The following IMMT variants were observed in gnomAD, a reference collection of about 807,000 sequenced individuals.
IMMT encodes inner membrane mitochondrial protein.
IMMT carries 40 observed loss-of-function variants against 92.7 expected under a neutral mutation model. The ratio of observed to expected loss-of-function variants is 0.43; its 90% confidence interval spans 0.34 to 0.56. The LOEUF is 0.56. Among genes scored for constraint, IMMT ranks in the 20% least tolerant of loss-of-function variants. The probability of loss-of-function intolerance (pLI) is 0.03; values close to 1 mark genes in which losing one functional copy is unlikely to be tolerated. For synonymous variants in IMMT, 322 were observed against 336.1 expected (o/e 0.96, Z 0.46); for missense variants, 831 against 912.1 (o/e 0.91, Z 1.14).
intron 1 of IMMT, among the ~76,000 whole-genome samples, chr2:86,182,812 C>T (rs556444231): frequency 6.6e-6 from 1 of 151,890 alleles, no homozygotes; most frequent in South Asian, 2.1e-4. Flanking sequence ...GACTGTGTCA[C>T]TCCACTCCAG....
intron 1 of IMMT, among the ~76,000 whole-genome samples, chr2:86,189,067 T>C (rs1672965718): frequency 6.6e-6 from 1 of 152,164 alleles, no homozygotes; most frequent in Admixed American, 6.6e-5. Context: ...AAATATTGGC[T>C]ACTTTTTTGT....
At chr2:86,167,255 T>C (rs1271852911) in intron 6 of IMMT, among the ~76,000 whole-genome samples, 2 of 137,874 alleles carry the variant, frequency 1.5e-5, no homozygotes, top group East Asian at 4.8e-4. Context: ...CACTGCAAGC[T>C]CCGCCTCCCG....
chr2:86,147,418 A>G lies in IMMT; in HGVS notation c.1533+284T>C, dbSNP rs540452288. The stretch of plus-strand genomic sequence containing the variant: ...AAATCTAAGCAGTACCATGCCATCT[A>G]TAGGAGGAAGATACACATGTCAAAT... On this transcript the variant is annotated intron_variant, in intron 13 of 14. Transcript: ENST00000410111. Among the ~76,000 whole-genome samples, 30 of 152,314 alleles carry G rather than the reference A, an allele frequency of 2.0e-4. No individual in the cohort carries two copies. In the South Asian group the frequency reaches 5.4e-3, roughly 27 times the overall value.
intron 4 of IMMT, among the ~76,000 whole-genome samples, chr2:86,171,847 CAT>C (rs1047018977): frequency 1.1e-4 from 13 of 118,044 alleles, no homozygotes; most frequent in Admixed American, 3.3e-4. Context: ...AGTTAAAATA[CAT>C]ATATATATAT....
chr2:86,189,857 C>T (rs1195537196), intron 1 of IMMT, among the ~76,000 whole-genome samples: 3 of 152,082 alleles, frequency 2.0e-5, no homozygotes, highest in Admixed American at 1.3e-4. Context: ...ACAAAAAAAT[C>T]CAGTAAGTTT....
chr2:86,165,383 T>A (rs939398087), intron 7 of IMMT, among the ~76,000 whole-genome samples: 5 of 152,238 alleles, frequency 3.3e-5, no homozygotes, highest in Admixed American at 1.3e-4. Flanking sequence ...AGTATTTTTC[T>A]TGGACTTTGA....
chr2:86,154,015 A>G (rs1172487103), intron 10 of IMMT, among the ~76,000 whole-genome samples: 1 of 151,946 alleles, frequency 6.6e-6, no homozygotes, highest in Admixed American at 6.6e-5. Flanking sequence ...GGTGTATGCC[A>G]CCATACCCGG....
At position 86,144,165 on chromosome 2, in the gene IMMT, G is replaced by T; in HGVS notation, c.*103C>A. On this transcript the variant is annotated 3_prime_UTR_variant, in exon 15 of 15. Coordinates refer to ENST00000410111, the MANE Select transcript of IMMT (RefSeq NM_006839.3). Reference sequence around the variant, plus strand: ...CATTTAGAACAGTACTTGTAAACCTGCTCATTTCTAGACAAGTCCGGGACT... The same window carrying T: ...CATTTAGAACAGTACTTGTAAACCTTCTCATTTCTAGACAAGTCCGGGACT... 2 of 1,263,064 alleles carry T rather than the reference G, an allele frequency of 1.6e-6. No individual in the cohort carries two copies. The highest frequency in any genetic ancestry group is 2.3e-5 in the Admixed American group (1 of 43,650). The allele number at this position is 1,263,064 out of a possible 1,614,324, so 78.2% of individuals were successfully genotyped here.
At chr2:86,156,061 TC>T in intron 10 of IMMT, among the ~76,000 whole-genome samples, 1 of 152,322 alleles carries the variant, frequency 6.6e-6, no homozygotes, top group Non-Finnish European at 1.5e-5. Flanking sequence ...CATGGCCCTT[TC>T]TTTAGCACAG....
At chr2:86,173,628 A>G (rs757069467) in intron 4 of IMMT, 22 bp downstream of exon 4, 4 of 1,304,220 alleles carry the variant, frequency 3.1e-6, no homozygotes, top group Non-Finnish European at 4.4e-6. Context: ...AATTTTAAAA[A>G]GATGGTTCAA....
At chr2:86,164,437 C>A (rs1345482186) in intron 7 of IMMT, among the ~76,000 whole-genome samples, 1 of 151,866 alleles carries the variant, frequency 6.6e-6, no homozygotes, top group Non-Finnish European at 1.5e-5. Context: ...CGCCTATAAT[C>A]CCAGCACTTT....
At chr2:86,177,768 G>C (rs1248484193) in intron 3 of IMMT, among the ~76,000 whole-genome samples, 1 of 152,068 alleles carries the variant, frequency 6.6e-6, no homozygotes, top group Non-Finnish European at 1.5e-5. Context: ...ATAATACGTG[G>C]TTTTATGTCA....
chr2:86,185,617 T>G (rs1672720627), intron 1 of IMMT, among the ~76,000 whole-genome samples: 1 of 152,214 alleles, frequency 6.6e-6, no homozygotes, highest in South Asian at 2.1e-4. Flanking sequence ...GAGAAGGGCT[T>G]ATCTTGATAA....
chr2:86,158,419 A>AGT, intron 10 of IMMT, 173 bp downstream of exon 10: 1 of 470,158 alleles, frequency 2.1e-6, no homozygotes, highest in East Asian at 3.4e-5. Flanking sequence ...CTACAAGAGT[A>AGT]GTGTTGCAGC....
In IMMT at chr2:86,144,898, G is replaced by A. The variant is rs370259149; in HGVS notation, c.1664-17C>T. 1.9e-5 allele frequency: 30 copies of A among 1,565,780 alleles called. No homozygotes were observed. Among genetic ancestry groups the A allele is most frequent in the Non-Finnish European group, 2.6e-5 (30 of 1,159,714 alleles). On this transcript the variant is annotated splice_polypyrimidine_tract_variant and intron_variant, in intron 14 of 14. Coordinates refer to ENST00000410111, the MANE Select transcript of IMMT (RefSeq NM_006839.3). ...CTGCATGGCCTACAAAGAAAAAAAG[G>A]CAAAGCCAAACATTTTTCTCTCCAT...
At chr2:86,183,831 C>A (rs961078383) in intron 1 of IMMT, among the ~76,000 whole-genome samples, 1 of 152,132 alleles carries the variant, frequency 6.6e-6, no homozygotes, top group Non-Finnish European at 1.5e-5. Context: ...TATATCAGTA[C>A]GTGAAAAGCT....
chr2:86,188,383 ACATACACG>A (rs1672911158), intron 1 of IMMT, among the ~76,000 whole-genome samples: 1 of 152,064 alleles, frequency 6.6e-6, no homozygotes, highest in African/African-American at 2.4e-5. Context: ...TCATGCATAC[ACATACACG>A]CACACACGCG....
intron 14 of IMMT, among the ~76,000 whole-genome samples, chr2:86,145,315 T>G (rs1674911931): frequency 1.3e-5 from 2 of 151,778 alleles, no homozygotes; most frequent in South Asian, 4.2e-4. Context: ...GCCAACATGG[T>G]GAAACCCTGT....
At chr2:86,192,416 T>G (rs756027422) in intron 1 of IMMT, among the ~76,000 whole-genome samples, 5 of 152,120 alleles carry the variant, frequency 3.3e-5, no homozygotes, top group Non-Finnish European at 4.4e-5. Context: ...AAGACCAGCC[T>G]GGGAAACATA....
Sources: gnomAD v4.1 joint callset for allele counts (sites outside exome capture counted in the v4.1 genomes callset) on GRCh38, gnomAD v4.1.1 for gene constraint, MANE v1.5 for transcripts, NCBI Gene and HGNC (gene_info 2026-07-23, HGNC 2026-07-21) for gene names.